The following RPS6KC1 variants were observed in gnomAD, a reference collection of about 807,000 sequenced individuals.
RPS6KC1 encodes the protein inactive ribosomal protein S6 kinase delta-1.
A neutral mutation model predicts 103.8 loss-of-function variants in RPS6KC1; 54 were observed. The observed-to-expected ratio is 0.52, with a 90% CI of 0.42 to 0.65. RPS6KC1 has a LOEUF of 0.65. Ranked by LOEUF, RPS6KC1 falls within the 30% of genes least tolerant of loss-of-function variation. RPS6KC1 has a pLI of 0.00. For synonymous variants in RPS6KC1, 439 were observed against 438.7 expected (o/e 1.00, Z -0.01); for missense variants, 1,151 against 1,253.8 (o/e 0.92, Z 1.24).
At chr1:213,802,516 T>C in the RPS6KC1 span, among the ~76,000 whole-genome samples, 19 of 152,182 alleles carry the variant, frequency 1.2e-4, no homozygotes, top group Non-Finnish European at 1.9e-4. Context: ...TCAGGGAAAA[T>C]GTGAACACTC....
the RPS6KC1 span, among the ~76,000 whole-genome samples, chr1:213,665,720 G>T: frequency 2.0e-5 from 3 of 152,140 alleles, no homozygotes; most frequent in Non-Finnish European, 4.4e-5. Flanking sequence ...GTGAACAATG[G>T]TATAGGTACA....
the RPS6KC1 span, among the ~76,000 whole-genome samples, chr1:213,326,538 T>C: frequency 1.3e-5 from 2 of 152,210 alleles, no homozygotes; most frequent in African/African-American, 4.8e-5. Context: ...TAATGTATTA[T>C]AGGTCAAGAG....
chr1:213,488,635 C>T, the RPS6KC1 span, among the ~76,000 whole-genome samples: 5 of 152,282 alleles, frequency 3.3e-5, no homozygotes, highest in East Asian at 1.9e-4. Flanking sequence ...AGTAAATATG[C>T]GAATTGCTAA....
chr1:213,122,637 A>G (rs2084524950), intron 5 of RPS6KC1, among the ~76,000 whole-genome samples: 1 of 152,226 alleles, frequency 6.6e-6, no homozygotes, highest in Non-Finnish European at 1.5e-5. Flanking sequence ...TTAAAGTAAA[A>G]TTAAGTGCAA....
intron 6 of RPS6KC1, among the ~76,000 whole-genome samples, chr1:213,136,813 A>C (rs2086322796): frequency 6.6e-6 from 1 of 152,110 alleles, no homozygotes; most frequent in African/African-American, 2.4e-5. Flanking sequence ...TCTTCAAAGG[A>C]AATTATTATT....
At chr1:213,683,358 T>A in the RPS6KC1 span, among the ~76,000 whole-genome samples, 2 of 152,130 alleles carry the variant, frequency 1.3e-5, no homozygotes, top group African/African-American at 4.8e-5. Context: ...GTATTTGTCT[T>A]AAGGATGGAC....
chr1:213,417,635 C>G, the RPS6KC1 span, among the ~76,000 whole-genome samples: 3 of 144,244 alleles, frequency 2.1e-5, no homozygotes, highest in African/African-American at 5.2e-5. Context: ...CAAATGGGGT[C>G]GGGGATGGGG....
At chr1:213,780,894 G>A in the RPS6KC1 span, among the ~76,000 whole-genome samples, 8 of 152,220 alleles carry the variant, frequency 5.3e-5, no homozygotes, top group Non-Finnish European at 1.0e-4. Flanking sequence ...GTGGTGGCGT[G>A]CACCTGTTTT....
the RPS6KC1 span, among the ~76,000 whole-genome samples, chr1:213,598,771 A>G: frequency 2.0e-5 from 3 of 152,128 alleles, no homozygotes; most frequent in Non-Finnish European, 4.4e-5. Context: ...TACAAAAATT[A>G]GCCAGGCATG....
rs2090308554 is a variant in RPS6KC1 at position 213,160,051 on chromosome 1, CTTA to C, written c.836-7802_836-7800del. Among the ~76,000 whole-genome samples, 5 of 152,138 alleles carry C rather than the reference CTTA, an allele frequency of 3.3e-5. No individual in the cohort carries two copies. In the South Asian group the frequency reaches 1.0e-3, roughly 31 times the overall value. The stretch of plus-strand genomic sequence containing the variant: ...TTATGCAGTTTTATATTACTTATAG[CTTA>C]TTATATCTTTATAATTAAACTTTGT... On this transcript the variant is annotated intron_variant, in intron 6 of 14. Coordinates refer to ENST00000366960, the MANE Select transcript of RPS6KC1 (RefSeq NM_012424.6).
the RPS6KC1 span, among the ~76,000 whole-genome samples, chr1:213,561,282 CTATT>C: frequency 6.6e-6 from 1 of 152,176 alleles, no homozygotes; most frequent in Non-Finnish European, 1.5e-5. Context: ...TACTGTAAAT[CTATT>C]TATGTGCTGT....
At chr1:213,799,539 A>G in the RPS6KC1 span, among the ~76,000 whole-genome samples, 2 of 152,230 alleles carry the variant, frequency 1.3e-5, no homozygotes, top group African/African-American at 2.4e-5. Context: ...TTAAAAAAAG[A>G]AAACTATAGG....
At chr1:213,079,918 C>CTT (rs550713502) in intron 3 of RPS6KC1, among the ~76,000 whole-genome samples, 8 of 130,170 alleles carry the variant, frequency 6.1e-5, no homozygotes, top group African/African-American at 1.1e-4. Flanking sequence ...TTCTTTTTTT[C>CTT]TTTTTTTTTT....
the RPS6KC1 span, among the ~76,000 whole-genome samples, chr1:213,381,192 A>T: frequency 6.6e-6 from 1 of 152,190 alleles, no homozygotes; most frequent in Non-Finnish European, 1.5e-5. Context: ...AGGAAGCAAG[A>T]TAGTGGGATT....
the RPS6KC1 span, among the ~76,000 whole-genome samples, chr1:213,424,622 C>T: frequency 1.3e-5 from 2 of 152,254 alleles, no homozygotes; most frequent in South Asian, 4.1e-4. Context: ...CCCATCTGCA[C>T]CCTGATGGAC....
At chr1:213,703,252 T>C in the RPS6KC1 span, among the ~76,000 whole-genome samples, 1 of 152,134 alleles carries the variant, frequency 6.6e-6, no homozygotes, top group African/African-American at 2.4e-5. Context: ...TTTAACTTCA[T>C]TGCCCTGATT....
At chr1:213,395,047 C>G in the RPS6KC1 span, among the ~76,000 whole-genome samples, 1 of 152,198 alleles carries the variant, frequency 6.6e-6, no homozygotes, top group Non-Finnish European at 1.5e-5. Context: ...CCCTCCTTCC[C>G]CTGCCGCAGC....
At chr1:213,205,451 A>G in intron 8 of RPS6KC1, 1 of 882,210 alleles carries the variant, frequency 1.1e-6, no homozygotes, top group Non-Finnish European at 1.4e-6. Context: ...CCTCTTAATC[A>G]AAGCTTTAAG....
At chr1:213,487,070 G>C in the RPS6KC1 span, among the ~76,000 whole-genome samples, 1 of 152,108 alleles carries the variant, frequency 6.6e-6, no homozygotes, top group Non-Finnish European at 1.5e-5. Context: ...CATCACCACT[G>C]CTTCCACCTG....
Sources: gnomAD v4.1 joint callset for allele counts (sites outside exome capture counted in the v4.1 genomes callset) on GRCh38, gnomAD v4.1.1 for gene constraint, MANE v1.5 for transcripts, NCBI Gene and HGNC (gene_info 2026-07-23, HGNC 2026-07-21) for gene names.